The following TP53BP2 variants were observed in gnomAD, a reference collection of about 807,000 sequenced individuals.
TP53BP2 encodes tumor protein p53 binding protein 2, also known as apoptosis-stimulating of p53 protein 2.
A neutral mutation model predicts 126.2 loss-of-function variants in TP53BP2; 62 were observed. That is an observed-to-expected ratio of 0.49 (90% CI 0.40 to 0.61). The LOEUF (loss-of-function observed/expected upper bound fraction) is 0.61. Among genes scored for constraint, TP53BP2 ranks in the 20% least tolerant of loss-of-function variants. TP53BP2 has a pLI of 0.00. For synonymous variants in TP53BP2, 485 were observed against 502.9 expected, an observed-to-expected ratio of 0.96 and a Z score of 0.48; for missense variants, 1,215 against 1,402.8, an observed-to-expected ratio of 0.87 and a Z score of 2.14.
chr1:223,809,988 G>A (rs146504483), intron 4 of TP53BP2, among the ~76,000 whole-genome samples: 6 of 152,120 alleles, frequency 3.9e-5, no homozygotes, highest in East Asian at 3.9e-4. Context: ...TACTACACCC[G>A]GCTAATTCTG....
At chr1:223,810,651 G>T in intron 3 of TP53BP2, 138 bp from the exon 4 acceptor site, 1 of 653,638 alleles carries the variant, frequency 1.5e-6, no homozygotes, top group East Asian at 2.8e-5. Context: ...TTTTCTAATA[G>T]CAATGGACTT....
In TP53BP2 at chr1:223,802,142, C is replaced by G. The variant is rs1662545490; in HGVS notation, c.1199G>C (p.Arg400Thr). The change falls in exon 9 of 18, where the codon AGA (arginine) becomes ACA (threonine). Residue 400 changes from arginine to threonine, a missense_variant. By Grantham distance (71) the Arg-to-Thr change is moderately conservative. This residue lies in a region of TP53BP2 where 814 missense variants were observed against 853.0 expected (regional missense o/e 0.95). Transcript: ENST00000343537. Reference protein sequence around the residue: ...PMKIQTLPNMRSGAASQTKGS... With the variant: ...PMKIQTLPNMTSGAASQTKGS... Reference sequence around the variant, plus strand: ...TTTAGTTTGTGAAGCAGCCCCAGATCTCATGTTGGGCAGTGTCTGTATTTT... The same window carrying G: ...TTTAGTTTGTGAAGCAGCCCCAGATGTCATGTTGGGCAGTGTCTGTATTTT... 2 of 1,614,142 alleles carry G rather than the reference C, an allele frequency of 1.2e-6. No homozygotes were observed. The highest frequency in any genetic ancestry group is 1.3e-5 in the African/African-American group (1 of 75,030).
Position 223,780,682 on chromosome 1 carries a change from C to T in TP53BP2, c.*171G>A. 1 of 664,278 alleles carries T rather than the reference C, an allele frequency of 1.5e-6. No homozygotes were observed. The highest frequency in any genetic ancestry group is 2.5e-6 in the Non-Finnish European group (1 of 392,852). The allele number at this position is 664,278 out of a possible 1,614,324, so 41.1% of individuals were successfully genotyped here. On this transcript the variant is annotated 3_prime_UTR_variant, in exon 18 of 18. Coordinates refer to ENST00000343537, the MANE Select transcript of TP53BP2 (RefSeq NM_001031685.3). ...TGCTTTATTTCATCACGCTAAATGT[C>T]CTCTAATGGTGAATTCTTCAATCCT...
At chr1:223,782,925 A>G (rs1389178575) in intron 17 of TP53BP2, among the ~76,000 whole-genome samples, 1 of 152,182 alleles carries the variant, frequency 6.6e-6, no homozygotes, top group Non-Finnish European at 1.5e-5. Context: ...AGCAGCAGTC[A>G]AGGTGTATAA....
intron 1 of TP53BP2, among the ~76,000 whole-genome samples, chr1:223,840,450 T>C (rs918616408): frequency 6.6e-6 from 1 of 152,246 alleles, no homozygotes; most frequent in Non-Finnish European, 1.5e-5. Flanking sequence ...ACACTCTGGA[T>C]TCCTAAACTC....
At chr1:223,804,528 A>G (rs1003342030) in intron 5 of TP53BP2, among the ~76,000 whole-genome samples, 180 bp from the exon 6 acceptor site, 1 of 152,120 alleles carries the variant, frequency 6.6e-6, no homozygotes, top group Admixed American at 6.5e-5. Flanking sequence ...CAAAACAGAT[A>G]CTCCTGAGCC....
Position 223,780,622 on chromosome 1 carries a change from C to A in TP53BP2, c.*231G>T. The stretch of plus-strand genomic sequence containing the variant: ...CTTATCTGAGTGCTACACGGGACAC[C>A]TTTGCCCCAACACAGTATGGCCTGC... On this transcript the variant is annotated 3_prime_UTR_variant, in exon 18 of 18. Transcript: ENST00000343537. The A allele has an allele frequency of 1.9e-6, 1 of 536,172 alleles. No homozygotes were observed. Among genetic ancestry groups the A allele is most frequent in the Non-Finnish European group, 3.3e-6 (1 of 301,474 alleles). The allele number at this position is 536,172 out of a possible 1,614,324, so 33.2% of individuals were successfully genotyped here.
chr1:223,845,758 A>C lies in TP53BP2; in HGVS notation c.-78T>G. 7.2e-7 allele frequency: 1 copy of C among 1,386,362 alleles called. No homozygotes were observed. Among genetic ancestry groups the C allele is most frequent in the Non-Finnish European group, 9.4e-7 (1 of 1,062,896 alleles). 85.9% of individuals were successfully genotyped at this position (1,386,362 alleles called of 1,614,324 possible). A position where few individuals can be genotyped will look rare whatever the true frequency, so the allele number is the denominator to read the frequency against. ...TCGCGGATGCGGGGGAGGGGAGCGG[A>C]GAGCGAGGCCGCCCGGACCTGTTGC... is the stretch of plus-strand genomic sequence containing the variant. On this transcript the variant is annotated 5_prime_UTR_variant, in exon 1 of 18. Transcript: ENST00000343537.
chr1:223,819,412 C>T (rs921208785), intron 2 of TP53BP2, among the ~76,000 whole-genome samples: 2 of 151,212 alleles, frequency 1.3e-5, no homozygotes, highest in South Asian at 2.1e-4. Context: ...AGGGGCCAGG[C>T]GCGGTGGCTC....
At position 223,799,743 on chromosome 1, in the gene TP53BP2, G is replaced by A. The variant is rs561664131; in HGVS notation, c.1485+156C>T. 2.6e-5 allele frequency among the ~76,000 whole-genome samples: 4 copies of A among 152,282 alleles called. No homozygotes were observed. In the South Asian group the frequency reaches 6.2e-4, roughly 24 times the overall value. On this transcript the variant is annotated intron_variant, in intron 11 of 17. Transcript: ENST00000343537. ...GGTGTGAGAGCACAAACAGACTCAC[G>A]CAAGAGAAATTAAAATAACAGAATG...
intron 1 of TP53BP2, 124 bp downstream of exon 1, chr1:223,845,530 G>T: frequency 9.1e-7 from 1 of 1,094,468 alleles, no homozygotes; most frequent in Non-Finnish European, 1.2e-6. Context: ...GGAAAGCCCC[G>T]GCCCCTCCGC....
At chr1:223,808,534 CTG>C (rs1238074893) in intron 4 of TP53BP2, among the ~76,000 whole-genome samples, 6 of 131,456 alleles carry the variant, frequency 4.6e-5, no homozygotes, top group African/African-American at 2.1e-4. Context: ...GAGTGAGACT[CTG>C]TATCAAAAAA....
At position 223,798,556 on chromosome 1, in the gene TP53BP2, G is replaced by GA. The variant is rs1184289405; in HGVS notation, c.1606dup (p.Ser536PhefsTer14). The GA allele has an allele frequency of 6.2e-7, 1 of 1,614,082 alleles. No individual in the cohort carries two copies. The highest frequency in any genetic ancestry group is 8.5e-7 in the Non-Finnish European group (1 of 1,180,040). On this transcript the variant is annotated frameshift_variant, in exon 12 of 18. Transcript: ENST00000343537. LOFTEE classifies it high-confidence loss of function. ...CGGAACAACTGTTGACAACTGCTGA[G>GA]AACTTCCGTCTGGCTTAATGTCTGA...
intron 3 of TP53BP2, among the ~76,000 whole-genome samples, chr1:223,812,529 C>T (rs1004671922): frequency 1.3e-5 from 2 of 151,890 alleles, no homozygotes; most frequent in African/African-American, 4.8e-5. Flanking sequence ...ATTACAGACG[C>T]CCAGCTAATT....
chr1:223,811,145 A>G (rs1662896180), intron 3 of TP53BP2, among the ~76,000 whole-genome samples: 1 of 152,178 alleles, frequency 6.6e-6, no homozygotes, highest in African/African-American at 2.4e-5. Context: ...TTTGGCTAAA[A>G]AGAATTTTTA....
intron 5 of TP53BP2, among the ~76,000 whole-genome samples, chr1:223,805,838 T>C (rs1361409210): frequency 1.3e-5 from 2 of 152,224 alleles, no homozygotes; most frequent in African/African-American, 4.8e-5. Context: ...CCACACCATC[T>C]GTTTACCTAT....
intron 12 of TP53BP2, among the ~76,000 whole-genome samples, chr1:223,797,450 C>T (rs936420037): frequency 2.0e-5 from 3 of 151,580 alleles, no homozygotes; most frequent in Non-Finnish European, 4.4e-5. Flanking sequence ...TGGAGTTTCA[C>T]TCTTGTTGCC....
intron 1 of TP53BP2, among the ~76,000 whole-genome samples, chr1:223,835,264 CTTCT>C (rs1483656622): frequency 6.6e-6 from 1 of 152,226 alleles, no homozygotes; most frequent in Admixed American, 6.5e-5. Flanking sequence ...AACCTTTTCT[CTTCT>C]TTCAACTATG....
At chr1:223,837,996 C>T (rs368041929) in intron 1 of TP53BP2, among the ~76,000 whole-genome samples, 24 of 144,956 alleles carry the variant, frequency 1.7e-4, no homozygotes, top group African/African-American at 5.2e-4. Context: ...CCCTAGGAAT[C>T]GTGCCCACTT....
Sources: allele counts gnomAD v4.1 joint callset (sites outside exome capture counted in the v4.1 genomes callset), GRCh38; gene constraint gnomAD v4.1.1; regional missense constraint gnomAD v4.1.1; transcripts MANE v1.5; gene names NCBI Gene and HGNC (gene_info 2026-07-23, HGNC 2026-07-21).